Variants in PCDH15 observed in about 807,000 individuals in gnomAD.
PCDH15 encodes the protein protocadherin-15.
Under a neutral mutation model 178.5 loss-of-function variants are expected in PCDH15, and 129 were observed. The ratio of observed to expected loss-of-function variants is 0.72; its 90% CI spans 0.63 to 0.84. PCDH15 has a LOEUF of 0.84. Among genes scored for constraint, PCDH15 ranks in the 40% least tolerant of loss-of-function variants. PCDH15 has a pLI of 0.00. For synonymous variants in PCDH15, 800 were observed against 732.0 expected, an observed-to-expected ratio of 1.09 and a Z score of -1.50; for missense variants, 2,230 against 2,099.9, an observed-to-expected ratio of 1.06 and a Z score of -1.21.
At chr10:55,616,467 T>C (rs1302348498) in intron 2 of PCDH15, among the ~76,000 whole-genome samples, 1 of 151,730 alleles carries the variant, frequency 6.6e-6, no homozygotes, top group Non-Finnish European at 1.5e-5. Flanking sequence ...TTAGAATTAA[T>C]ATACTTTATT....
intron 2 of PCDH15, among the ~76,000 whole-genome samples, chr10:54,648,942 C>T (rs929982813): frequency 3.9e-5 from 6 of 152,092 alleles, no homozygotes; most frequent in Non-Finnish European, 2.9e-5. Flanking sequence ...AAAACATTAT[C>T]TAAGTCTAAG....
chr10:55,000,035 A>C (rs962328458), intron 2 of PCDH15, among the ~76,000 whole-genome samples: 2 of 152,212 alleles, frequency 1.3e-5, no homozygotes, highest in African/African-American at 4.8e-5. Flanking sequence ...ACCACAGGAC[A>C]GGGGTGAAAT....
intron 15 of PCDH15, among the ~76,000 whole-genome samples, chr10:54,112,340 T>C (rs2095041342): frequency 6.6e-6 from 1 of 151,816 alleles, no homozygotes; most frequent in African/African-American, 2.4e-5. Flanking sequence ...TAGTTGTCAG[T>C]ATGATCTAGT....
At chr10:54,635,185 A>G (rs33978352) in intron 2 of PCDH15, among the ~76,000 whole-genome samples, 1 of 150,596 alleles carries the variant, frequency 6.6e-6, no homozygotes, top group African/African-American at 2.4e-5. Context: ...ATAAATAAAT[A>G]AATAAATAAT....
intron 2 of PCDH15, among the ~76,000 whole-genome samples, chr10:54,641,705 A>G (rs2093993022): frequency 7.5e-6 from 1 of 132,502 alleles, no homozygotes; most frequent in Admixed American, 7.4e-5. Context: ...AACTACTATT[A>G]TCTCTCCGTT....
intron 3 of PCDH15, among the ~76,000 whole-genome samples, chr10:54,408,165 T>A (rs979025719): frequency 2.0e-5 from 3 of 150,574 alleles, no homozygotes; most frequent in African/African-American, 7.3e-5. Context: ...AGCTGTTTTT[T>A]TAAAAAAAAA....
chr10:55,622,647 C>T (rs1301115868), intron 2 of PCDH15, among the ~76,000 whole-genome samples: 1 of 151,898 alleles, frequency 6.6e-6, no homozygotes, highest in Non-Finnish European at 1.5e-5. Flanking sequence ...TGTAAAGTAA[C>T]CAAAGAAGTA....
chr10:54,615,721 C>A lies in PCDH15; in HGVS notation c.91+48451G>T, dbSNP rs576096292. 7.2e-3 allele frequency among the ~76,000 whole-genome samples: 1,096 copies of A among 151,868 alleles called. 20 individuals carry two copies. Among genetic ancestry groups the A allele is most frequent in the African/African-American group, 0.025 (1,029 of 41,440 alleles). ...CACATACAAATAACAACGTGTGAAG[C>A]ATTTCATATTTACAAAATAAACATA... On this transcript the variant is annotated intron_variant, in intron 2 of 37. Coordinates refer to ENST00000644397, the MANE Select transcript of PCDH15 (RefSeq NM_001384140.1).
At chr10:54,210,789 A>C (rs1275550906) in intron 10 of PCDH15, among the ~76,000 whole-genome samples, 1 of 151,726 alleles carries the variant, frequency 6.6e-6, no homozygotes, top group Non-Finnish European at 1.5e-5. Flanking sequence ...GAAGGAAAAG[A>C]AGTTAAAAGG....
intron 2 of PCDH15, among the ~76,000 whole-genome samples, chr10:54,586,997 T>C (rs1052175220): frequency 2.0e-5 from 3 of 152,180 alleles, no homozygotes; most frequent in Non-Finnish European, 2.9e-5. Flanking sequence ...GATGAAAAAG[T>C]CTGACATGAT....
intron 3 of PCDH15, among the ~76,000 whole-genome samples, chr10:54,525,376 GT>G (rs1285231793): frequency 1.3e-5 from 2 of 152,160 alleles, no homozygotes; most frequent in African/African-American, 2.4e-5. Flanking sequence ...AAACCCACAT[GT>G]TTTATTACTA....
intron 2 of PCDH15, among the ~76,000 whole-genome samples, chr10:55,422,745 G>A (rs10825507): frequency 0.25 from 37,264 of 151,630 alleles, 5,259 homozygotes; most frequent in African/African-American, 0.39. Flanking sequence ...ATGGGAAGAA[G>A]AAGGCAATAA....
At chr10:53,898,061 G>T (rs1214000834) in intron 26 of PCDH15, among the ~76,000 whole-genome samples, 1 of 143,988 alleles carries the variant, frequency 6.9e-6, no homozygotes, top group Non-Finnish European at 1.5e-5. Flanking sequence ...CCGCCTCCTG[G>T]GTTCATGCCA....
intron 2 of PCDH15, among the ~76,000 whole-genome samples, chr10:55,093,065 C>T (rs893874449): frequency 2.0e-5 from 3 of 151,918 alleles, no homozygotes; most frequent in Non-Finnish European, 4.4e-5. Flanking sequence ...TAAAATACCA[C>T]TGAATCAAAA....
chr10:53,967,612 A>C (rs1242235146), intron 21 of PCDH15, among the ~76,000 whole-genome samples: 1 of 152,170 alleles, frequency 6.6e-6, no homozygotes, highest in Non-Finnish European at 1.5e-5. Flanking sequence ...TTTTATTTTA[A>C]ATTGTATTAG....
chr10:55,072,831 T>C (rs891760414), intron 2 of PCDH15, among the ~76,000 whole-genome samples: 40 of 151,498 alleles, frequency 2.6e-4, no homozygotes, highest in Non-Finnish European at 5.0e-4. Context: ...TTGATGAACA[T>C]TGATGCAAAA....
chr10:55,056,084 T>C lies in PCDH15; in HGVS notation c.-80+110492A>G, dbSNP rs150797887. Among the ~76,000 whole-genome samples the C allele has an allele frequency of 1.4e-3, 206 of 152,264 alleles. 1 individual carries two copies. The highest frequency in any genetic ancestry group is 4.6e-3 in the African/African-American group (193 of 41,552). On this transcript the variant is annotated intron_variant, in intron 2 of 5. Transcript: ENST00000458638. ...AAAACCCTCCTAAATGCTTCTACTT[T>C]AGTTGGCTTACCATCTAAATTCCGC...
In PCDH15 at chr10:55,582,624, A is replaced by AT. The variant is rs1477154346; in HGVS notation, c.-156+45000dup. Among the ~76,000 whole-genome samples the AT allele has an allele frequency of 0.011, 701 of 62,094 alleles. 19 individuals are homozygous for AT. In the East Asian group the frequency reaches 0.22, roughly 20 times the overall value. 40.7% of individuals were successfully genotyped at this position (62,094 alleles called of 152,430 possible). On this transcript the variant is annotated intron_variant, in intron 2 of 5. Transcript: ENST00000613346. ...TATATATATATATATATATATATAT[A>AT]TATATTTTTTTTTTTTTGCTATATT...
At chr10:54,267,441 A>C (rs186112600) in intron 8 of PCDH15, among the ~76,000 whole-genome samples, 97 of 152,028 alleles carry the variant, frequency 6.4e-4, no homozygotes, top group Admixed American at 2.2e-3. Context: ...GACCAACAGC[A>C]AGAAATAATA....
Sources: gnomAD v4.1 joint callset for allele counts (sites outside exome capture counted in the v4.1 genomes callset) on GRCh38, gnomAD v4.1.1 for gene constraint, MANE v1.5 for transcripts, NCBI Gene and HGNC (gene_info 2026-07-23, HGNC 2026-07-21) for gene names.